Variants in KCNH1 observed in about 807,000 individuals in gnomAD.
KCNH1 encodes the protein voltage-gated delayed rectifier potassium channel KCNH1.
Under a neutral mutation model 69.2 loss-of-function variants are expected in KCNH1, and 27 were observed. That is an observed-to-expected ratio of 0.39 (90% CI 0.29 to 0.54). The LOEUF is 0.54. Ranked by LOEUF, KCNH1 falls within the 20% of genes least tolerant of loss-of-function variation. The probability of loss-of-function intolerance (pLI) is 0.68; values close to 1 mark genes in which losing one functional copy is unlikely to be tolerated. For missense variants in KCNH1, 798 were observed against 1,261.6 expected, an observed-to-expected ratio of 0.63 and a Z score of 5.57; for synonymous variants, 456 against 487.7, an observed-to-expected ratio of 0.93 and a Z score of 0.86.
chr1:210,843,400 A>C (rs779586552), intron 7 of KCNH1, among the ~76,000 whole-genome samples: 32 of 152,220 alleles, frequency 2.1e-4, no homozygotes, highest in Non-Finnish European at 3.8e-4. Context: ...TTAGCTCTTC[A>C]GAAGGTGGAA....
At chr1:211,044,827 CATGG>C (rs1690063358) in intron 5 of KCNH1, among the ~76,000 whole-genome samples, 1 of 151,672 alleles carries the variant, frequency 6.6e-6, no homozygotes, top group South Asian at 2.1e-4. Context: ...GCACAACCAC[CATGG>C]AAAACAGTGT....
chr1:211,098,461 C>T (rs904748546), intron 3 of KCNH1, among the ~76,000 whole-genome samples: 2 of 152,122 alleles, frequency 1.3e-5, no homozygotes, highest in African/African-American at 4.8e-5. Context: ...ATAATCCGTC[C>T]TTCAACATAT....
chr1:210,965,665 C>T (rs369296004), intron 6 of KCNH1, among the ~76,000 whole-genome samples: 1 of 152,214 alleles, frequency 6.6e-6, no homozygotes, highest in East Asian at 1.9e-4. Context: ...CCTAGCAATA[C>T]AACTTACAAG....
At chr1:210,991,207 AGTGTCCATGGTTG>A (rs1246284700) in intron 6 of KCNH1, among the ~76,000 whole-genome samples, 2 of 152,242 alleles carry the variant, frequency 1.3e-5, no homozygotes, top group African/African-American at 4.8e-5. Flanking sequence ...AATCAAGCTA[AGTGTCCATGGTTG>A]GATGAATGGA....
chr1:211,004,801 A>G (rs1297729550), intron 6 of KCNH1, among the ~76,000 whole-genome samples: 2 of 152,160 alleles, frequency 1.3e-5, no homozygotes, highest in Non-Finnish European at 2.9e-5. Flanking sequence ...AGAAAAATAT[A>G]CCATGTAAAC....
intron 7 of KCNH1, among the ~76,000 whole-genome samples, chr1:210,869,108 TAA>T (rs1686180035): frequency 6.6e-6 from 1 of 152,158 alleles, no homozygotes; most frequent in Non-Finnish European, 1.5e-5. Flanking sequence ...TCTTCTGATT[TAA>T]AAGTTTCTGA....
At chr1:211,067,388 CAAG>C (rs1690551457) in intron 5 of KCNH1, among the ~76,000 whole-genome samples, 1 of 152,190 alleles carries the variant, frequency 6.6e-6, no homozygotes, top group South Asian at 2.1e-4. Context: ...CACGACAAAG[CAAG>C]AAGGTGGCTA....
At chr1:210,960,846 T>C (rs1688279004) in intron 6 of KCNH1, among the ~76,000 whole-genome samples, 1 of 152,212 alleles carries the variant, frequency 6.6e-6, no homozygotes, top group Non-Finnish European at 1.5e-5. Flanking sequence ...CTAAAATGAT[T>C]ATTCTATTTT....
intron 3 of KCNH1, among the ~76,000 whole-genome samples, chr1:211,100,321 A>G (rs745505709): frequency 1.3e-5 from 2 of 151,708 alleles, no homozygotes; most frequent in African/African-American, 2.4e-5. Flanking sequence ...AGTCTCTCCA[A>G]CCTCATATTA....
chr1:210,917,233 A>AGAGAG (rs1687359387), intron 7 of KCNH1, among the ~76,000 whole-genome samples: 8 of 98,814 alleles, frequency 8.1e-5, no homozygotes, highest in African/African-American at 2.6e-4. Context: ...GAGAGAGAGA[A>AGAGAG]AGAAAGAAAG....
chr1:211,056,010 G>A (rs1021318400), intron 5 of KCNH1, among the ~76,000 whole-genome samples: 4 of 152,124 alleles, frequency 2.6e-5, no homozygotes, highest in African/African-American at 4.8e-5. Flanking sequence ...GCTATGGGGA[G>A]AGTCTCCTTT....
At chr1:210,868,399 T>C (rs1686162142) in intron 7 of KCNH1, among the ~76,000 whole-genome samples, 2 of 148,286 alleles carry the variant, frequency 1.3e-5, no homozygotes, top group South Asian at 4.3e-4. Flanking sequence ...TCTTTCTTAA[T>C]AGTGCCTTTG....
At position 210,862,052 on chromosome 1, in the gene KCNH1, A is replaced by T. The variant is rs574592912; in HGVS notation, c.1462+57588T>A. 301 of 790,084 alleles carry T rather than the reference A, an allele frequency of 3.8e-4. 3 individuals carry two copies. In the South Asian group the frequency reaches 3.9e-3, roughly 10 times the overall value. The allele number at this position is 790,084 out of a possible 1,614,324, so 48.9% of individuals were successfully genotyped here. A position where few individuals can be genotyped will look rare whatever the true frequency, so the allele number is the denominator to read the frequency against. ...TCTTCTTCTGGAATAGTATAAGGGG[A>T]TATATACTTTTGTGCTGTTTCTTGA... On this transcript the variant is annotated intron_variant, in intron 7 of 10. Transcript: ENST00000271751.
At chr1:211,097,438 T>TA (rs1207043780) in intron 3 of KCNH1, among the ~76,000 whole-genome samples, 2 of 151,526 alleles carry the variant, frequency 1.3e-5, no homozygotes, top group Non-Finnish European at 2.9e-5. Context: ...AAATGGTTTT[T>TA]AAAAAAAAAG....
chr1:211,042,637 A>G (rs1690018170), intron 5 of KCNH1, among the ~76,000 whole-genome samples: 1 of 152,242 alleles, frequency 6.6e-6, no homozygotes, highest in African/African-American at 2.4e-5. Flanking sequence ...ATATTTACAG[A>G]ACATTCTACC....
chr1:210,871,494 C>A (rs921847848), intron 7 of KCNH1, among the ~76,000 whole-genome samples: 1 of 152,198 alleles, frequency 6.6e-6, no homozygotes, highest in Non-Finnish European at 1.5e-5. Flanking sequence ...GTCAGTGTGG[C>A]AATTCCTCAG....
At chr1:211,067,549 A>C (rs942253774) in intron 5 of KCNH1, among the ~76,000 whole-genome samples, 20 of 152,166 alleles carry the variant, frequency 1.3e-4, no homozygotes, top group African/African-American at 4.8e-4. Flanking sequence ...CTGTTTTCAC[A>C]GGTGTTAGCT....
At chr1:211,059,458 T>C (rs567331850) in intron 5 of KCNH1, among the ~76,000 whole-genome samples, 2 of 151,006 alleles carry the variant, frequency 1.3e-5, no homozygotes, top group East Asian at 4.0e-4. Context: ...GGGAGATTCC[T>C]GGGGCTGGGC....
intron 7 of KCNH1, among the ~76,000 whole-genome samples, chr1:210,884,387 A>T (rs562168858): frequency 6.6e-6 from 1 of 152,262 alleles, no homozygotes; most frequent in South Asian, 2.1e-4. Context: ...TCCTGTATCT[A>T]TTATCTTAGT....
Sources: gnomAD v4.1 joint callset for allele counts (sites outside exome capture counted in the v4.1 genomes callset) on GRCh38, gnomAD v4.1.1 for gene constraint, MANE v1.5 for transcripts, NCBI Gene and HGNC (gene_info 2026-07-23, HGNC 2026-07-21) for gene names.